Variants in BTBD9 observed in about 807,000 individuals in gnomAD.
BTBD9 encodes BTB domain containing 9, also known as BTB/POZ domain-containing protein 9.
BTBD9 carries 49 observed loss-of-function variants against 64.3 expected under a neutral mutation model. The observed-to-expected ratio is 0.76, with a 90% CI of 0.61 to 0.97. The LOEUF (loss-of-function observed/expected upper bound fraction) is 0.97. Ranked by LOEUF, BTBD9 falls within the 50% of genes least tolerant of loss-of-function variation. The pLI is 0.00. For missense variants in BTBD9, 598 were observed against 762.1 expected, an observed-to-expected ratio of 0.78 and a Z score of 2.53; for synonymous variants, 260 against 274.7, an observed-to-expected ratio of 0.95 and a Z score of 0.53.
At chr6:38,368,353 G>A (rs896238577) in intron 6 of BTBD9, among the ~76,000 whole-genome samples, 5 of 152,042 alleles carry the variant, frequency 3.3e-5, no homozygotes, top group African/African-American at 1.2e-4. Context: ...AGGGGGCGGG[G>A]GAATGGAGTC....
intron 1 of BTBD9, among the ~76,000 whole-genome samples, chr6:38,627,635 T>C (rs1201232429): frequency 6.6e-6 from 1 of 152,120 alleles, no homozygotes; most frequent in African/African-American, 2.4e-5. Context: ...TGGAACTGGA[T>C]GTCTGTGGGG....
chr6:38,601,150 T>C (rs1777226020), intron 1 of BTBD9, among the ~76,000 whole-genome samples: 1 of 152,174 alleles, frequency 6.6e-6, no homozygotes, highest in Admixed American at 6.5e-5. Flanking sequence ...GAAGTGATTC[T>C]ACTAAGCAAC....
intron 9 of BTBD9, among the ~76,000 whole-genome samples, chr6:38,244,454 C>T (rs564265463): frequency 8.5e-4 from 130 of 152,094 alleles, no homozygotes; most frequent in African/African-American, 3.1e-3. Context: ...GTTTAGAGTC[C>T]CTCTTCAGAG....
At chr6:38,546,737 T>C (rs995119415) in intron 6 of BTBD9, among the ~76,000 whole-genome samples, 1 of 152,226 alleles carries the variant, frequency 6.6e-6, no homozygotes, top group Non-Finnish European at 1.5e-5. Context: ...GACATGATCT[T>C]GGCTCACCGC....
chr6:38,320,895 TA>T (rs1222291794), intron 7 of BTBD9, among the ~76,000 whole-genome samples: 1 of 152,130 alleles, frequency 6.6e-6, no homozygotes, highest in Non-Finnish European at 1.5e-5. Flanking sequence ...GAAGAACCAA[TA>T]ACAATTCTAC....
intron 8 of BTBD9, among the ~76,000 whole-genome samples, chr6:38,268,555 G>A (rs552308296): frequency 6.6e-6 from 1 of 152,276 alleles, no homozygotes; most frequent in Admixed American, 6.5e-5. Context: ...GTTCAATCAC[G>A]TAATCTCTCT....
intron 9 of BTBD9, among the ~76,000 whole-genome samples, chr6:38,245,188 A>G (rs1027807771): frequency 1.3e-5 from 2 of 152,258 alleles, no homozygotes; most frequent in Admixed American, 1.3e-4. Flanking sequence ...TCTGGAGCTT[A>G]CCTTCTGGTG....
At chr6:38,472,652 C>T (rs1770701412) in intron 6 of BTBD9, among the ~76,000 whole-genome samples, 1 of 152,154 alleles carries the variant, frequency 6.6e-6, no homozygotes, top group African/African-American at 2.4e-5. Flanking sequence ...CTTCTACAGA[C>T]AAAAGGCCAA....
chr6:38,397,640 C>G (rs973257520), intron 6 of BTBD9, among the ~76,000 whole-genome samples: 1 of 152,122 alleles, frequency 6.6e-6, no homozygotes, highest in African/African-American at 2.4e-5. Context: ...GAGATGAAGA[C>G]GTGTTATTAA....
At chr6:38,426,129 T>G (rs1768136770) in intron 6 of BTBD9, among the ~76,000 whole-genome samples, 1 of 151,808 alleles carries the variant, frequency 6.6e-6, no homozygotes, top group Non-Finnish European at 1.5e-5. Context: ...CAGTAATTAA[T>G]GAAGAATGTT....
intron 9 of BTBD9, among the ~76,000 whole-genome samples, chr6:38,222,298 T>C (rs1165387114): frequency 1.4e-5 from 2 of 141,788 alleles, no homozygotes; most frequent in Non-Finnish European, 3.0e-5. Context: ...TCTTGCTCTG[T>C]CACCCAGGCT....
chr6:38,432,650 T>C (rs569567630), intron 6 of BTBD9, among the ~76,000 whole-genome samples: 16 of 152,034 alleles, frequency 1.1e-4, no homozygotes, highest in African/African-American at 3.9e-4. Context: ...TTTCAGACTT[T>C]TGCATTCTGG....
At chr6:38,278,885 G>C (rs1157300239) in intron 8 of BTBD9, among the ~76,000 whole-genome samples, 1 of 152,194 alleles carries the variant, frequency 6.6e-6, no homozygotes, top group East Asian at 1.9e-4. Context: ...TGACCATTAA[G>C]TCTTAAGGGC....
chr6:38,588,643 A>G (rs1776654533), intron 4 of BTBD9: 1 of 227,920 alleles, frequency 4.4e-6, no homozygotes, highest in African/African-American at 2.3e-5. Context: ...AGCATTTGTT[A>G]TATCTTTGTT....
chr6:38,379,208 A>C (rs575826666), intron 6 of BTBD9, among the ~76,000 whole-genome samples: 2 of 152,310 alleles, frequency 1.3e-5, no homozygotes, highest in Admixed American at 1.3e-4. Context: ...GCTCCTGAAC[A>C]AAGTCCAGAC....
chr6:38,354,046 G>T (rs2127594250), intron 6 of BTBD9, among the ~76,000 whole-genome samples: 1 of 152,052 alleles, frequency 6.6e-6, no homozygotes, highest in Middle Eastern at 3.4e-3. Context: ...AGGAAGAGAG[G>T]CAAAAGAAGG....
Position 38,536,046 on chromosome 6 carries a change from A to G in BTBD9, c.1154+41554T>C, listed in dbSNP as rs954012328. Among the ~76,000 whole-genome samples, 9 of 101,450 alleles carry G rather than the reference A, an allele frequency of 8.9e-5. No individual in the cohort carries two copies. The South Asian group carries it at 1.4e-3, about 16-fold the overall frequency. The allele number at this position is 101,450 out of a possible 152,430, so 66.6% of individuals were successfully genotyped here. On this transcript the variant is annotated intron_variant, in intron 6 of 10. Transcript: ENST00000481247. Reference sequence around the variant, plus strand: ...GCACAGCAAAAGAAACAATCAACAAAGTGAAGAAACAACTCACATAATGGG... The same window carrying G: ...GCACAGCAAAAGAAACAATCAACAAGGTGAAGAAACAACTCACATAATGGG...
At chr6:38,480,475 G>A (rs1161757070) in intron 6 of BTBD9, among the ~76,000 whole-genome samples, 2 of 152,174 alleles carry the variant, frequency 1.3e-5, no homozygotes, top group African/African-American at 4.8e-5. Context: ...AATGGGCATT[G>A]GTGGGTTACA....
At chr6:38,256,273 A>G in intron 9 of BTBD9, 136 bp downstream of exon 9, 1 of 628,370 alleles carries the variant, frequency 1.6e-6, no homozygotes, top group South Asian at 1.9e-5. Flanking sequence ...ACTGAAGAGA[A>G]GATCACTGGA....
Sources: allele counts gnomAD v4.1 joint callset (sites outside exome capture counted in the v4.1 genomes callset), GRCh38; gene constraint gnomAD v4.1.1; transcripts MANE v1.5; gene names NCBI Gene and HGNC (gene_info 2026-07-23, HGNC 2026-07-21).